The following PHACTR1 variants were observed in gnomAD, a reference collection of about 807,000 sequenced individuals.
The protein encoded by PHACTR1 is RPEL repeat containing 1.
A neutral mutation model predicts 69.2 loss-of-function variants in PHACTR1; 16 were observed. The ratio of observed to expected loss-of-function variants is 0.23; its 90% confidence interval spans 0.16 to 0.35. PHACTR1 has a LOEUF of 0.35. PHACTR1 is among the 10% of genes least tolerant of loss of function. PHACTR1 has a pLI of 1.00. For missense variants in PHACTR1, 510 were observed against 734.7 expected (o/e 0.69, Z 3.54); for synonymous variants, 312 against 284.5 (o/e 1.10, Z -0.97).
intron 10 of PHACTR1, among the ~76,000 whole-genome samples, chr6:13,232,615 C>G (rs1016490356): frequency 2.0e-5 from 3 of 152,212 alleles, no homozygotes; most frequent in African/African-American, 4.8e-5. Context: ...GTCCATGCCA[C>G]TCCCACCCAT....
chr6:13,134,493 C>T (rs1480208261), intron 5 of PHACTR1, among the ~76,000 whole-genome samples: 2 of 152,088 alleles, frequency 1.3e-5, no homozygotes, highest in African/African-American at 4.8e-5. Flanking sequence ...TAACCTTACC[C>T]CCAACCCCTT....
chr6:12,780,719 G>A (rs764929902), intron 4 of PHACTR1, among the ~76,000 whole-genome samples: 25 of 152,204 alleles, frequency 1.6e-4, no homozygotes, highest in Admixed American at 5.9e-4. Flanking sequence ...CAAGCTGCCC[G>A]ATAGTCACCT....
In PHACTR1 at chr6:12,945,964, AAAATAAATAAATAAAT is replaced by A. The variant is rs146460461; in HGVS notation, c.251-107380_251-107365del. ...GGTAACAGAGCAAGACTCTGTCTCAAAAATAAATAAATAAATAAATAAATAAATAAATAAATGCTAA... is the reference window on the plus strand; with the variant it reads ...GGTAACAGAGCAAGACTCTGTCTCAAAAATAAATAAATAAATAAATGCTAA... On this transcript the variant is annotated intron_variant, in intron 4 of 14. Transcript: ENST00000332995. 1.0e-3 allele frequency among the ~76,000 whole-genome samples: 148 copies of A among 142,446 alleles called. 1 individual carries two copies. Among genetic ancestry groups the A allele is most frequent in the Admixed American group, 2.1e-3 (29 of 13,720 alleles). The allele number at this position is 142,446 out of a possible 152,430, so 93.5% of individuals were successfully genotyped here. A position where few individuals can be genotyped will look rare whatever the true frequency, so the allele number is the denominator to read the frequency against.
intron 4 of PHACTR1, among the ~76,000 whole-genome samples, chr6:12,854,940 C>T (rs866204931): frequency 2.0e-5 from 3 of 152,220 alleles, no homozygotes; most frequent in Middle Eastern, 6.8e-3. Flanking sequence ...TTGGTGGGAA[C>T]GCAAATTAGT....
intron 4 of PHACTR1, among the ~76,000 whole-genome samples, chr6:13,019,447 C>G (rs540714115): frequency 6.6e-6 from 1 of 152,180 alleles, no homozygotes; most frequent in African/African-American, 2.4e-5. Flanking sequence ...GGATGTTTAA[C>G]GACCTTGAAC....
At chr6:12,894,012 T>C (rs1282275048) in intron 4 of PHACTR1, among the ~76,000 whole-genome samples, 1 of 152,206 alleles carries the variant, frequency 6.6e-6, no homozygotes, top group Admixed American at 6.5e-5. Flanking sequence ...AGGGAACACA[T>C]CACCCACTGG....
At chr6:12,953,565 T>C (rs1791538413) in intron 4 of PHACTR1, among the ~76,000 whole-genome samples, 1 of 152,230 alleles carries the variant, frequency 6.6e-6, no homozygotes, top group Non-Finnish European at 1.5e-5. Context: ...AACAGGTGTT[T>C]ATAAGAATGA....
chr6:13,282,368 T>C (rs974662514), intron 12 of PHACTR1, among the ~76,000 whole-genome samples: 26 of 152,184 alleles, frequency 1.7e-4, no homozygotes, highest in African/African-American at 5.3e-4. Context: ...GTTGCTAAAG[T>C]AGAGGAAGGG....
chr6:13,192,101 C>G (rs1763682598), intron 7 of PHACTR1, among the ~76,000 whole-genome samples: 1 of 152,216 alleles, frequency 6.6e-6, no homozygotes, highest in African/African-American at 2.4e-5. Context: ...AGGTGTTCTG[C>G]CAGCCCTCAT....
At chr6:12,906,845 C>T (rs1223891643) in intron 4 of PHACTR1, among the ~76,000 whole-genome samples, 1 of 152,178 alleles carries the variant, frequency 6.6e-6, no homozygotes, top group Non-Finnish European at 1.5e-5. Context: ...TCAATGATTA[C>T]ATTTAGAGAA....
chr6:12,988,818 G>T (rs1796484427), intron 4 of PHACTR1, among the ~76,000 whole-genome samples: 1 of 152,218 alleles, frequency 6.6e-6, no homozygotes, highest in South Asian at 2.1e-4. Flanking sequence ...GCTGTAAAAT[G>T]GTGATCACAG....
intron 10 of PHACTR1, chr6:13,272,578 C>A: frequency 1.4e-6 from 1 of 737,226 alleles, no homozygotes; most frequent in Non-Finnish European, 2.1e-6. Flanking sequence ...GTCTGAGTTG[C>A]AGTCCACTTG....
intron 5 of PHACTR1, among the ~76,000 whole-genome samples, chr6:13,096,216 G>C (rs1333267753): frequency 6.6e-6 from 1 of 152,094 alleles, no homozygotes; most frequent in Non-Finnish European, 1.5e-5. Flanking sequence ...CAAATTGATA[G>C]CTAAAGGAAA....
intron 10 of PHACTR1, among the ~76,000 whole-genome samples, chr6:13,266,243 A>G (rs1024497191): frequency 4.6e-5 from 7 of 152,118 alleles, no homozygotes; most frequent in African/African-American, 9.7e-5. Context: ...GAGCTTGCAC[A>G]TCACTGCCAC....
intron 4 of PHACTR1, among the ~76,000 whole-genome samples, chr6:12,914,333 C>T (rs902303333): frequency 6.6e-6 from 1 of 152,184 alleles, no homozygotes; most frequent in African/African-American, 2.4e-5. Context: ...GCTAGGTCTC[C>T]TCCTACCTCT....
chr6:12,892,120 C>T (rs1194435091), intron 4 of PHACTR1, among the ~76,000 whole-genome samples: 1 of 149,392 alleles, frequency 6.7e-6, no homozygotes, highest in East Asian at 1.9e-4. Flanking sequence ...TCAACCTTTC[C>T]AAATATGTTA....
intron 4 of PHACTR1, among the ~76,000 whole-genome samples, chr6:12,958,891 G>A (rs1792250995): frequency 6.6e-6 from 1 of 152,146 alleles, no homozygotes. Context: ...ACTCTTTAAA[G>A]AGGGGTCGGG....
intron 5 of PHACTR1, among the ~76,000 whole-genome samples, chr6:13,098,421 C>T (rs772372463): frequency 4.6e-5 from 7 of 152,184 alleles, no homozygotes; most frequent in Non-Finnish European, 1.0e-4. Context: ...TCTAGGCCTT[C>T]GCTTTGGGAC....
chr6:13,063,920 A>G (rs572332150), intron 5 of PHACTR1, among the ~76,000 whole-genome samples: 1 of 152,318 alleles, frequency 6.6e-6, no homozygotes, highest in African/African-American at 2.4e-5. Flanking sequence ...GTGTTATCCT[A>G]ATGCAATAGG....
Sources: allele counts gnomAD v4.1 joint callset (sites outside exome capture counted in the v4.1 genomes callset), GRCh38; gene constraint gnomAD v4.1.1; transcripts MANE v1.5; gene names NCBI Gene and HGNC (gene_info 2026-07-23, HGNC 2026-07-21).